The following CWH43 variants were observed in gnomAD, a reference collection of about 807,000 sequenced individuals.
CWH43 encodes PGAP2-interacting protein.
Under a neutral mutation model 85.7 loss-of-function variants are expected in CWH43, and 91 were observed. That is an observed-to-expected ratio of 1.06 (90% CI 0.90 to 1.26). CWH43 has a LOEUF of 1.26. CWH43 is among the 50% of genes most tolerant of loss of function. The pLI is 0.00. For missense variants in CWH43, 869 were observed against 839.2 expected (o/e 1.04, Z -0.44); for synonymous variants, 323 against 293.6 (o/e 1.10, Z -1.02).
rs1169839126 is a variant in CWH43, at chr4:48,994,775, C to T, written c.668C>T (p.Ala223Val). ...FGEVSLVSRWAVSGHPHPGPD... is the reference protein window; with the variant it reads ...FGEVSLVSRWVVSGHPHPGPD... Reference sequence around the variant, plus strand: ...GAAGTCTCTCTTGTTTCCAGATGGGCAGTGAGTGGGCATCCACATCCAGGG... The same window carrying T: ...GAAGTCTCTCTTGTTTCCAGATGGGTAGTGAGTGGGCATCCACATCCAGGG... Residue 223 changes from alanine (A) to valine (V), a missense_variant, in exon 5 of 16, where the codon GCA (alanine) becomes GTA (valine). Coordinates refer to ENST00000226432, the MANE Select transcript of CWH43 (RefSeq NM_025087.3). 3.1e-6 allele frequency: 5 copies of T among 1,613,964 alleles called. No homozygotes were observed. Among genetic ancestry groups the T allele is most frequent in the Admixed American group, 1.7e-5 (1 of 59,984 alleles).
intron 3 of CWH43, 127 bp from the exon 4 acceptor site, chr4:48,991,809 C>A: frequency 1.1e-6 from 1 of 939,632 alleles, no homozygotes; most frequent in Non-Finnish European, 1.6e-6. Context: ...GAGGCTAAAT[C>A]ACATTCATTA....
chr4:49,027,253 G>C (rs555029112), intron 9 of CWH43, among the ~76,000 whole-genome samples: 1 of 152,164 alleles, frequency 6.6e-6, no homozygotes, highest in Admixed American at 6.5e-5. Context: ...AAGTAGAACC[G>C]ATAGGATTGG....
chr4:49,035,513 C>T (rs1784237729), intron 12 of CWH43, among the ~76,000 whole-genome samples: 1 of 152,206 alleles, frequency 6.6e-6, no homozygotes, highest in South Asian at 2.1e-4. Flanking sequence ...CTATGTGACA[C>T]AGAACCTATG....
chr4:48,998,182 C>G (rs760342993), intron 5 of CWH43, among the ~76,000 whole-genome samples: 1 of 152,168 alleles, frequency 6.6e-6, no homozygotes, highest in African/African-American at 2.4e-5. Context: ...ATGTTACTGA[C>G]CAACATGGAC....
chr4:48,998,412 T>G (rs756300031), intron 5 of CWH43, 48 bp from the exon 6 acceptor site: 6 of 1,370,020 alleles, frequency 4.4e-6, no homozygotes. Flanking sequence ...TTCGGGATGA[T>G]GAAATATTAC....
In CWH43 at chr4:48,992,115, C is replaced by T. The variant is rs760199985; in HGVS notation, c.511+25C>T. 11 of 1,594,920 alleles carry T rather than the reference C, an allele frequency of 6.9e-6. No homozygotes were observed. Among genetic ancestry groups the T allele is most frequent in the Admixed American group, 1.7e-5 (1 of 58,520 alleles). On this transcript the variant is annotated intron_variant, in intron 4 of 15. Coordinates refer to ENST00000226432, the MANE Select transcript of CWH43 (RefSeq NM_025087.3). This position sits in a 1 kb window ranked among gnomAD's most constrained non-coding sequence, Gnocchi z 4.3. ...GGTAATACTGTAACTTAGGAATTTT[C>T]TCTTTGCAGAGCTTACCTTTCCTAT...
chr4:49,031,802 G>A (rs1784107494), intron 11 of CWH43, among the ~76,000 whole-genome samples: 1 of 152,166 alleles, frequency 6.6e-6, no homozygotes, highest in Middle Eastern at 3.2e-3. Flanking sequence ...TAGATGTCAG[G>A]GGAGGGGAAG....
At chr4:49,007,525 T>C (rs1456420455) in intron 8 of CWH43, among the ~76,000 whole-genome samples, 199 bp downstream of exon 8, 2 of 152,198 alleles carry the variant, frequency 1.3e-5, no homozygotes, top group African/African-American at 4.8e-5. Context: ...GTGCACAACG[T>C]GCAGGTTTGT....
chr4:48,988,496 C>G lies in CWH43; in HGVS notation c.63C>G (p.Leu21=). The G allele has an allele frequency of 1.3e-6, 2 of 1,582,028 alleles. No homozygotes were observed. Among genetic ancestry groups the G allele is most frequent in the Non-Finnish European group, 8.6e-7 (1 of 1,169,006 alleles). ...TTGTAGGATGTGTTTCTTGGTCTCTCTACCATGACCTGGGACCGATGATCT... is the reference window on the plus strand; with the variant it reads ...TTGTAGGATGTGTTTCTTGGTCTCTGTACCATGACCTGGGACCGATGATCT... ...ESLLGCVSWS[L]YHDLGPMIYY... The change falls in exon 2 of 16, where the codon CTC becomes CTG. Residue 21 remains leucine (L), a synonymous_variant. Transcript: ENST00000226432.
intron 8 of CWH43, among the ~76,000 whole-genome samples, chr4:49,009,067 G>A (rs1783262833): frequency 6.6e-6 from 1 of 152,170 alleles, no homozygotes; most frequent in South Asian, 2.1e-4. Flanking sequence ...ACCTTGAGCA[G>A]TATGGCCATT....
In CWH43 at chr4:49,019,243, G is replaced by A. The variant is rs189249428; in HGVS notation, c.1266+1915G>A. On this transcript the variant is annotated intron_variant, in intron 9 of 15. Coordinates refer to ENST00000226432, the MANE Select transcript of CWH43 (RefSeq NM_025087.3). The stretch of plus-strand genomic sequence containing the variant: ...GATCAAGCTGCCATGAAGGAAACAG[G>A]ATTGTAGAATGGAGGGTAACTGGGT... 2.3e-3 allele frequency among the ~76,000 whole-genome samples: 343 copies of A among 152,298 alleles called. 4 individuals are homozygous for A. The highest frequency in any genetic ancestry group is 0.021 in the South Asian group (102 of 4,820).
chr4:48,999,603 C>T (rs1008751995), intron 6 of CWH43, among the ~76,000 whole-genome samples: 3 of 152,330 alleles, frequency 2.0e-5, no homozygotes, highest in South Asian at 2.1e-4. Flanking sequence ...CTGATGGATA[C>T]AGTGAACCCA....
chr4:49,057,411 C>T (rs1267365913), intron 15 of CWH43, among the ~76,000 whole-genome samples: 2 of 152,196 alleles, frequency 1.3e-5, no homozygotes, highest in Non-Finnish European at 2.9e-5. Flanking sequence ...TGATTAGCCT[C>T]TCTGAAAGAG....
intron 15 of CWH43, among the ~76,000 whole-genome samples, chr4:49,052,136 T>C (rs1784819463): frequency 6.6e-6 from 1 of 152,222 alleles, no homozygotes; most frequent in African/African-American, 2.4e-5. Context: ...GAAAAAATTG[T>C]ACCAAAGTGT....
chr4:48,991,956 T>C lies in CWH43; in HGVS notation c.377T>C (p.Phe126Ser). The change falls in exon 4 of 16, where the codon TTC becomes TCC. Residue 126 changes from phenylalanine to serine, a missense_variant. Physicochemically the swap from Phe to Ser is radical, Grantham distance 155 (BLOSUM62 -2). Transcript: ENST00000226432. ...HLQRYLRIWG[F>S]ILGQIVLVVL... ...TACAGGTACCTCAGAATTTGGGGAT[T>C]CATTTTAGGACAGATTGTTCTTGTT... is the stretch of plus-strand genomic sequence containing the variant. The C allele has an allele frequency of 6.2e-7, 1 of 1,612,486 alleles. No individual in the cohort carries two copies. Among genetic ancestry groups the C allele is most frequent in the Non-Finnish European group, 8.5e-7 (1 of 1,179,070 alleles).
intron 12 of CWH43, 77 bp downstream of exon 12, chr4:49,032,792 A>G: frequency 1.3e-6 from 2 of 1,529,782 alleles, no homozygotes; most frequent in African/African-American, 1.4e-5. Context: ...TTTCTATGAA[A>G]TCACCTTTCT....
At chr4:49,018,708 G>A (rs1280569725) in intron 9 of CWH43, among the ~76,000 whole-genome samples, 4 of 152,138 alleles carry the variant, frequency 2.6e-5, no homozygotes, top group Admixed American at 2.6e-4. Context: ...TACAGTTTTG[G>A]TTAAAATAGA....
At chr4:49,040,876 G>A (rs1560510299) in intron 13 of CWH43, among the ~76,000 whole-genome samples, 1 of 152,254 alleles carries the variant, frequency 6.6e-6, no homozygotes, top group Non-Finnish European at 1.5e-5. Context: ...TATGGTTTTA[G>A]GTCTAACATT....
chr4:49,010,249 C>T (rs2109772244), intron 8 of CWH43, among the ~76,000 whole-genome samples: 1 of 152,206 alleles, frequency 6.6e-6, no homozygotes, highest in Middle Eastern at 3.4e-3. Flanking sequence ...TCTAGATTTT[C>T]TAGTTTATTT....
Sources: gnomAD v4.1 joint callset for allele counts (sites outside exome capture counted in the v4.1 genomes callset) on GRCh38, gnomAD v4.1.1 for gene constraint, Gnocchi (gnomAD v3.1) non-coding constraint, MANE v1.5 for transcripts, NCBI Gene and HGNC (gene_info 2026-07-23, HGNC 2026-07-21) for gene names.